The following ANXA8 variants were observed in gnomAD, a reference collection of about 807,000 sequenced individuals.
The protein encoded by ANXA8 is annexin A8.
Under a neutral mutation model 26.8 loss-of-function variants are expected in ANXA8, and 9 were observed. The observed-to-expected ratio is 0.34, with a 90% confidence interval of 0.20 to 0.59. The LOEUF is 0.59. ANXA8 is among the 20% of genes least tolerant of loss of function. ANXA8 has a pLI of 0.84. For missense variants in ANXA8, 83 were observed against 238.5 expected, an observed-to-expected ratio of 0.35 and a Z score of 4.29; for synonymous variants, 39 against 94.8, an observed-to-expected ratio of 0.41 and a Z score of 3.42.
the ANXA8 span, among the ~76,000 whole-genome samples, chr10:47,989,447 G>C: frequency 8.0e-6 from 1 of 124,272 alleles, no homozygotes; most frequent in African/African-American, 2.8e-5. Flanking sequence ...CAGCTCCCGG[G>C]CTGGTTCTGA....
At position 47,484,114 on chromosome 10, in the gene ANXA8, C is replaced by T. The variant is rs1473506434; in HGVS notation, c.-181G>A. On this transcript the variant is annotated 5_prime_UTR_variant, in exon 1 of 12. Coordinates refer to ENST00000585281, the MANE Select transcript of ANXA8 (RefSeq NM_001040084.3). ...CCTGCCGTCCCCTCGCCCCCGGGCT[C>T]TGCCTGGCTTTGGGCATCTCCTGTG... 25 of 1,519,178 alleles carry T rather than the reference C, an allele frequency of 1.6e-5. No individual in the cohort carries two copies. The highest frequency in any genetic ancestry group is 2.3e-5 in the Non-Finnish European group (25 of 1,106,194). The allele number at this position is 1,519,178 out of a possible 1,614,324, so 94.1% of individuals were successfully genotyped here.
At chr10:47,777,662 C>T in the ANXA8 span, among the ~76,000 whole-genome samples, 3 of 152,222 alleles carry the variant, frequency 2.0e-5, no homozygotes, top group African/African-American at 4.8e-5. Context: ...ATGACAGCGC[C>T]TCTCTCCAGG....
At chr10:47,678,711 A>G in the ANXA8 span, among the ~76,000 whole-genome samples, 1 of 151,928 alleles carries the variant, frequency 6.6e-6, no homozygotes, top group South Asian at 2.1e-4. Context: ...GGAGTTCCAG[A>G]AAAGTGGGGA....
chr10:47,708,058 G>A, the ANXA8 span, among the ~76,000 whole-genome samples: 3 of 139,842 alleles, frequency 2.1e-5, no homozygotes, highest in Non-Finnish European at 4.8e-5. Flanking sequence ...AATGAAATCA[G>A]GATGGTGCGG....
the ANXA8 span, among the ~76,000 whole-genome samples, chr10:47,558,810 C>T: frequency 1.3e-5 from 2 of 151,806 alleles, no homozygotes; most frequent in Non-Finnish European, 2.9e-5. Flanking sequence ...TCCTGTTCAC[C>T]TTCAGCCTTC....
chr10:47,650,747 C>A, the ANXA8 span, among the ~76,000 whole-genome samples: 1 of 145,658 alleles, frequency 6.9e-6, no homozygotes, highest in Admixed American at 6.8e-5. Context: ...GCTGCAGTTG[C>A]AGTGAGTGGA....
chr10:47,651,471 G>A, the ANXA8 span, among the ~76,000 whole-genome samples: 1 of 150,870 alleles, frequency 6.6e-6, no homozygotes, highest in Non-Finnish European at 1.5e-5. Context: ...TCCATTCCTA[G>A]GTCATCCCAA....
At chr10:47,483,193 C>G (rs1839900744) in intron 1 of ANXA8, among the ~76,000 whole-genome samples, 1 of 151,114 alleles carries the variant, frequency 6.6e-6, no homozygotes, top group Non-Finnish European at 1.5e-5. Flanking sequence ...CCTCCAGGCT[C>G]TAGCAGGCCA....
the ANXA8 span, among the ~76,000 whole-genome samples, chr10:47,772,386 A>T: frequency 2.6e-5 from 4 of 152,266 alleles, no homozygotes; most frequent in Admixed American, 2.6e-4. Flanking sequence ...CCTCACTCAC[A>T]TCCCTCATCT....
At chr10:47,657,554 G>T in the ANXA8 span, among the ~76,000 whole-genome samples, 1 of 151,536 alleles carries the variant, frequency 6.6e-6, no homozygotes, top group Non-Finnish European at 1.5e-5. Flanking sequence ...AAAAGATGAG[G>T]ATAATATCTT....
the ANXA8 span, among the ~76,000 whole-genome samples, chr10:47,649,982 T>C: frequency 1.3e-5 from 2 of 150,858 alleles, no homozygotes; most frequent in South Asian, 2.1e-4. Context: ...CCAAAGTAGA[T>C]GGATCACTTG....
chr10:47,693,298 T>C, the ANXA8 span, among the ~76,000 whole-genome samples: 1 of 151,224 alleles, frequency 6.6e-6, no homozygotes, highest in Non-Finnish European at 1.5e-5. Context: ...CAATCTTTTT[T>C]TTTTTTTTTG....
chr10:47,726,665 G>A, the ANXA8 span, among the ~76,000 whole-genome samples: 1 of 152,228 alleles, frequency 6.6e-6, no homozygotes, highest in Non-Finnish European at 1.5e-5. Flanking sequence ...TGAAGCTCTT[G>A]GGGAAAAAAA....
At chr10:47,951,730 G>C in the ANXA8 span, among the ~76,000 whole-genome samples, 1 of 133,042 alleles carries the variant, frequency 7.5e-6, no homozygotes, top group Non-Finnish European at 1.5e-5. Flanking sequence ...AGAATCACTT[G>C]AACCTGGGAG....
chr10:47,699,022 A>G, the ANXA8 span, among the ~76,000 whole-genome samples: 1 of 151,668 alleles, frequency 6.6e-6, no homozygotes, highest in Non-Finnish European at 1.5e-5. Context: ...TTCATCTTAT[A>G]CTAGAATTAT....
chr10:47,631,386 A>G, the ANXA8 span, among the ~76,000 whole-genome samples: 3 of 151,704 alleles, frequency 2.0e-5, no homozygotes, highest in African/African-American at 7.3e-5. Context: ...CCAGCTTTAT[A>G]TGACCAAAAT....
chr10:47,509,904 A>C, the ANXA8 span, among the ~76,000 whole-genome samples: 2 of 139,752 alleles, frequency 1.4e-5, no homozygotes, highest in Admixed American at 1.5e-4. Context: ...AAGGGAACCT[A>C]TCCTTCTCAC....
chr10:47,968,770 T>C, the ANXA8 span, among the ~76,000 whole-genome samples: 3 of 150,728 alleles, frequency 2.0e-5, no homozygotes, highest in Admixed American at 6.7e-5. Flanking sequence ...GCCCCTTTTC[T>C]AGCCACTGAC....
chr10:47,687,571 A>G, the ANXA8 span, among the ~76,000 whole-genome samples: 124 of 151,884 alleles, frequency 8.2e-4, 2 homozygotes, highest in African/African-American at 2.9e-3. Context: ...GGCCCCAACC[A>G]ACATTTCAAG....
Sources: allele counts gnomAD v4.1 joint callset (sites outside exome capture counted in the v4.1 genomes callset), GRCh38; gene constraint gnomAD v4.1.1; transcripts MANE v1.5; gene names NCBI Gene and HGNC (gene_info 2026-07-23, HGNC 2026-07-21).